SLC35G1: variants seen among roughly 807,000 people sequenced by gnomAD.
SLC35G1 encodes partner of STIM1.
Under a neutral mutation model 17.1 loss-of-function variants are expected in SLC35G1, and 10 were observed. The observed-to-expected ratio is 0.59, with a 90% CI of 0.36 to 0.99. The LOEUF is 0.99. SLC35G1 is among the 50% of genes least tolerant of loss of function. The pLI is 0.01. For synonymous variants in SLC35G1, 185 were observed against 181.1 expected, an observed-to-expected ratio of 1.02 and a Z score of -0.18; for missense variants, 433 against 468.4, an observed-to-expected ratio of 0.92 and a Z score of 0.70.
At chr10:93,899,083 G>A (rs1030298025) in intron 2 of SLC35G1, among the ~76,000 whole-genome samples, 3 of 152,166 alleles carry the variant, frequency 2.0e-5, no homozygotes, top group Non-Finnish European at 4.4e-5. Context: ...TTAAAAAAAT[G>A]AATGAAAAGA....
Position 93,893,997 on chromosome 10 carries a change from A to G in SLC35G1, c.-37A>G, listed in dbSNP as rs1311275821. On this transcript the variant is annotated 5_prime_UTR_variant, in exon 1 of 3. Coordinates refer to ENST00000427197, the MANE Select transcript of SLC35G1 (RefSeq NM_001134658.3). ...CAGCCCAGGCGCTGCTGCTGGCGCC[A>G]GACGGCACCGGCCGCTGGTAGAGCG... 5.2e-6 allele frequency: 7 copies of G among 1,344,406 alleles called. No homozygotes were observed. The East Asian group carries it at 2.2e-4, about 42-fold the overall frequency. 83.3% of individuals were successfully genotyped at this position (1,344,406 alleles called of 1,614,324 possible). A position where few individuals can be genotyped will look rare whatever the true frequency, so the allele number is the denominator to read the frequency against.
At chr10:93,900,687 C>A in intron 2 of SLC35G1, 65 bp from the exon 3 acceptor site, 1 of 1,336,978 alleles carries the variant, frequency 7.5e-7, no homozygotes, top group Non-Finnish European at 1.0e-6. Context: ...TGTTTAATTA[C>A]AAATTGTAAT....
chr10:93,895,531 G>A (rs182127025), intron 1 of SLC35G1, among the ~76,000 whole-genome samples: 177 of 152,324 alleles, frequency 1.2e-3, no homozygotes, highest in African/African-American at 3.9e-3. Context: ...GGCAAGATGA[G>A]AAACTTACGT....
At chr10:93,894,264 G>A in intron 1 of SLC35G1, 53 bp downstream of exon 1, 1 of 1,299,244 alleles carries the variant, frequency 7.7e-7, no homozygotes. Context: ...TCCCGAGCGG[G>A]CGCCGGCGGG....
In SLC35G1 at chr10:93,900,739, T is replaced by C. The variant is rs1352118407; in HGVS notation, c.360-13T>C. On this transcript the variant is annotated splice_polypyrimidine_tract_variant and intron_variant, in intron 2 of 2. Transcript: ENST00000427197. ...ATTTCATTTAATATGCATTTCTTCA[T>C]TTGAATTTACAGAACTGGGTTTATA... The C allele has an allele frequency of 3.3e-6, 5 of 1,525,300 alleles. No individual in the cohort carries two copies. Among genetic ancestry groups the C allele is most frequent in the Admixed American group, 4.3e-5 (2 of 47,026 alleles). 94.5% of individuals were successfully genotyped at this position (1,525,300 alleles called of 1,614,324 possible). A position where few individuals can be genotyped will look rare whatever the true frequency, so the allele number is the denominator to read the frequency against.
chr10:93,896,551 G>A (rs2060332299), intron 1 of SLC35G1, among the ~76,000 whole-genome samples: 1 of 152,168 alleles, frequency 6.6e-6, no homozygotes, highest in Admixed American at 6.5e-5. Context: ...CCATTGACAG[G>A]ATTGAAATGA....
In SLC35G1 at chr10:93,902,131, A is replaced by C. The variant is rs2060394641; in HGVS notation, c.*641A>C. On this transcript the variant is annotated 3_prime_UTR_variant, in exon 3 of 3. Coordinates refer to ENST00000427197, the MANE Select transcript of SLC35G1 (RefSeq NM_001134658.3). Reference sequence around the variant, plus strand: ...TTGTGCCTTTTCATTTTAATGCTGGAATTTTTATTATGTCACCTCTAAAAC... The same window carrying C: ...TTGTGCCTTTTCATTTTAATGCTGGCATTTTTATTATGTCACCTCTAAAAC... 6.6e-6 allele frequency: 1 copy of C among 152,566 alleles called. No individual in the cohort carries two copies. The highest frequency in any genetic ancestry group is 1.5e-5 in the Non-Finnish European group (1 of 68,024). 9.5% of individuals were successfully genotyped at this position (152,566 alleles called of 1,614,324 possible). A position where few individuals can be genotyped will look rare whatever the true frequency, so the allele number is the denominator to read the frequency against.
chr10:93,894,252 G>A (rs920996243), intron 1 of SLC35G1, 41 bp downstream of exon 1: 6 of 1,301,452 alleles, frequency 4.6e-6, no homozygotes, highest in Non-Finnish European at 5.9e-6. Context: ...CTCGCTCGGG[G>A]GTCCCGAGCG....
At chr10:93,900,718 C>A in intron 2 of SLC35G1, 34 bp from the exon 3 acceptor site, 1 of 1,458,578 alleles carries the variant, frequency 6.9e-7, no homozygotes, top group Non-Finnish European at 9.1e-7. Flanking sequence ...ATATTAATTT[C>A]ATTTAATATG....
rs2060301320 is a variant in SLC35G1 at position 93,893,998 on chromosome 10, G to C, written c.-36G>C. The C allele has an allele frequency of 7.4e-7, 1 of 1,346,254 alleles. No individual in the cohort carries two copies. The highest frequency in any genetic ancestry group is 1.5e-5 in the African/African-American group (1 of 65,180). The allele number at this position is 1,346,254 out of a possible 1,614,324, so 83.4% of individuals were successfully genotyped here. A position where few individuals can be genotyped will look rare whatever the true frequency, so the allele number is the denominator to read the frequency against. On this transcript the variant is annotated 5_prime_UTR_variant, in exon 1 of 3. Coordinates refer to ENST00000427197, the MANE Select transcript of SLC35G1 (RefSeq NM_001134658.3). ...AGCCCAGGCGCTGCTGCTGGCGCCA[G>C]ACGGCACCGGCCGCTGGTAGAGCGC...
Position 93,901,567 on chromosome 10 carries a change from A to C in SLC35G1, c.*77A>C. On this transcript the variant is annotated 3_prime_UTR_variant, in exon 3 of 3. Coordinates refer to ENST00000427197, the MANE Select transcript of SLC35G1 (RefSeq NM_001134658.3). ...ACATACAGCATACGCACACATCTGGAAAATCTGCATTTTCTTCATTGGTTG... is the reference window on the plus strand; with the variant it reads ...ACATACAGCATACGCACACATCTGGCAAATCTGCATTTTCTTCATTGGTTG... 5 of 1,435,990 alleles carry C rather than the reference A, an allele frequency of 3.5e-6. No individual in the cohort carries two copies. In the South Asian group the frequency reaches 8.1e-5, roughly 23 times the overall value. 89.0% of individuals were successfully genotyped at this position (1,435,990 alleles called of 1,614,324 possible). A position where few individuals can be genotyped will look rare whatever the true frequency, so the allele number is the denominator to read the frequency against.
Position 93,903,522 on chromosome 10 carries a change from G to A in SLC35G1, c.*2032G>A, listed in dbSNP as rs1342779049. 6.6e-6 allele frequency: 1 copy of A among 152,160 alleles called. No homozygotes were observed. The highest frequency in any genetic ancestry group is 1.5e-5 in the Non-Finnish European group (1 of 68,018). The allele number at this position is 152,160 out of a possible 1,614,324, so 9.4% of individuals were successfully genotyped here. A position where few individuals can be genotyped will look rare whatever the true frequency, so the allele number is the denominator to read the frequency against. On this transcript the variant is annotated 3_prime_UTR_variant, in exon 3 of 3. Coordinates refer to ENST00000427197, the MANE Select transcript of SLC35G1 (RefSeq NM_001134658.3). ...CAGTTCTTTACCTTGCACAGTGAAA[G>A]AATCAGTGGCACCTAGAAAGTTAAA...
At position 93,902,814 on chromosome 10, in the gene SLC35G1, C is replaced by T. The variant is rs934988435; in HGVS notation, c.*1324C>T. 6.6e-6 allele frequency: 1 copy of T among 152,558 alleles called. No individual in the cohort carries two copies. The highest frequency in any genetic ancestry group is 1.5e-5 in the Non-Finnish European group (1 of 68,018). 9.5% of individuals were successfully genotyped at this position (152,558 alleles called of 1,614,324 possible). ...ACTAACGCCATGAATTCAAACAGCACGTTTTACACCTGGAACTTCATCAGA... is the reference window on the plus strand; with the variant it reads ...ACTAACGCCATGAATTCAAACAGCATGTTTTACACCTGGAACTTCATCAGA... On this transcript the variant is annotated 3_prime_UTR_variant, in exon 3 of 3. Coordinates refer to ENST00000427197, the MANE Select transcript of SLC35G1 (RefSeq NM_001134658.3).
At chr10:93,909,142 G>T (rs2060444160) in exon 3 of SLC35G1, 1 of 152,244 alleles carries the variant, frequency 6.6e-6, no homozygotes, top group Non-Finnish European at 1.5e-5. Flanking sequence ...TCAGGTGTCT[G>T]TCCTAGCTAG....
intron 1 of SLC35G1, 47 bp downstream of exon 1, chr10:93,894,258 G>A (rs1206883874): frequency 4.6e-6 from 6 of 1,299,458 alleles, no homozygotes; most frequent in Non-Finnish European, 5.9e-6. Flanking sequence ...CGGGGGTCCC[G>A]AGCGGGCGCC....
intron 2 of SLC35G1, among the ~76,000 whole-genome samples, 193 bp downstream of exon 2, chr10:93,898,944 A>G (rs1413483248): frequency 6.6e-6 from 1 of 152,146 alleles, no homozygotes; most frequent in Non-Finnish European, 1.5e-5. Flanking sequence ...CCACATACCC[A>G]ACAAAGTGGG....
Position 93,901,720 on chromosome 10 carries a change from G to A in SLC35G1, c.*230G>A. On this transcript the variant is annotated 3_prime_UTR_variant, in exon 3 of 3. Coordinates refer to ENST00000427197, the MANE Select transcript of SLC35G1 (RefSeq NM_001134658.3). The stretch of plus-strand genomic sequence containing the variant: ...GGTTTTGGTTTTTTTTGTTGTTGTT[G>A]TTGGGGTCAAGTTGGTGAGAGGAGA... 9.8e-6 allele frequency: 4 copies of A among 406,508 alleles called. No individual in the cohort carries two copies. The highest frequency in any genetic ancestry group is 1.7e-5 in the Non-Finnish European group (4 of 237,558). The allele number at this position is 406,508 out of a possible 1,614,324, so 25.2% of individuals were successfully genotyped here.
In SLC35G1 at chr10:93,903,782, A is replaced by T. The variant is rs1437150785; in HGVS notation, c.*2292A>T. 6.6e-6 allele frequency: 1 copy of T among 152,212 alleles called. No homozygotes were observed. The highest frequency in any genetic ancestry group is 2.4e-5 in the African/African-American group (1 of 41,460). 9.4% of individuals were successfully genotyped at this position (152,212 alleles called of 1,614,324 possible). A position where few individuals can be genotyped will look rare whatever the true frequency, so the allele number is the denominator to read the frequency against. ...CTTGAAAAGGAAAATATTTTCATAA[A>T]TTGTTTTTATAAGTACTAATAAAAT... On this transcript the variant is annotated 3_prime_UTR_variant, in exon 3 of 3. Coordinates refer to ENST00000427197, the MANE Select transcript of SLC35G1 (RefSeq NM_001134658.3).
Position 93,900,946 on chromosome 10 carries a change from G to A in SLC35G1, c.554G>A (p.Trp185Ter). The change falls in exon 3 of 3, where the codon TGG becomes TAG. Residue 185 changes from tryptophan (W) to a stop codon, truncating the protein, a stop_gained. Transcript: ENST00000427197. LOFTEE classifies it low-confidence loss of function (END_TRUNC). ...TGTCTCAAGGAAAAATATAGCCCTT[G>A]GGATGCTCTTTTCACCGTGTTCACA... ...WICLKEKYSPWDALFTVFTIT... is the reference protein window; with the variant it reads ...WICLKEKYSP 1 of 1,614,018 alleles carries A rather than the reference G, an allele frequency of 6.2e-7. No homozygotes were observed. The highest frequency in any genetic ancestry group is 8.5e-7 in the Non-Finnish European group (1 of 1,179,974).
Sources: allele counts gnomAD v4.1 joint callset (sites outside exome capture counted in the v4.1 genomes callset), GRCh38; gene constraint gnomAD v4.1.1; transcripts MANE v1.5; gene names NCBI Gene and HGNC (gene_info 2026-07-23, HGNC 2026-07-21).